XDH: variants seen among roughly 807,000 people sequenced by gnomAD.
XDH encodes xanthine dehydrogenase/oxidase.
XDH carries 138 observed loss-of-function variants against 156.1 expected under a neutral mutation model. That is an observed-to-expected ratio of 0.88 (90% CI 0.77 to 1.02). The LOEUF (loss-of-function observed/expected upper bound fraction) is 1.02, where lower values mean the gene tolerates loss of function less well. XDH is among the 50% of genes least tolerant of loss of function. The probability of loss-of-function intolerance (pLI) is 0.00; values close to 1 mark genes in which losing one functional copy is unlikely to be tolerated. For missense variants in XDH, 1,849 were observed against 1,684.9 expected, an observed-to-expected ratio of 1.10 and a Z score of -1.71; for synonymous variants, 669 against 625.7, an observed-to-expected ratio of 1.07 and a Z score of -1.03.
rs376487298 is a variant in XDH at position 31,337,509 on chromosome 2, G to A, written c.3951+132C>T. On this transcript the variant is annotated intron_variant, in intron 35 of 35. Coordinates refer to ENST00000379416, the MANE Select transcript of XDH (RefSeq NM_000379.4). ...TGCTTCATACCATGCACAATGAAGG[G>A]TGGCCATTGATGCAAGGCTGCCCGG... 309 of 1,216,088 alleles carry A rather than the reference G, an allele frequency of 2.5e-4. 1 individual carries two copies. In the African/African-American group the frequency reaches 4.0e-3, roughly 16 times the overall value. The allele number at this position is 1,216,088 out of a possible 1,614,324, so 75.3% of individuals were successfully genotyped here. A position where few individuals can be genotyped will look rare whatever the true frequency, so the allele number is the denominator to read the frequency against.
At chr2:31,407,149 G>A (rs1438184923) in intron 1 of XDH, among the ~76,000 whole-genome samples, 2 of 152,166 alleles carry the variant, frequency 1.3e-5, no homozygotes, top group Non-Finnish European at 2.9e-5. Flanking sequence ...AGGAATATTT[G>A]CCTCCCACCT....
At chr2:31,357,743 C>A (rs1439178861) in intron 24 of XDH, among the ~76,000 whole-genome samples, 2 of 151,782 alleles carry the variant, frequency 1.3e-5, no homozygotes, top group African/African-American at 2.4e-5. Context: ...ATGATAAATT[C>A]TTGAGGTGAT....
At position 31,348,982 on chromosome 2, in the gene XDH, T is replaced by C. The variant is rs751523614; in HGVS notation, c.2970-2A>G. The C allele has an allele frequency of 1.2e-6, 2 of 1,612,698 alleles. No individual in the cohort carries two copies. Among genetic ancestry groups the C allele is most frequent in the Non-Finnish European group, 1.7e-6 (2 of 1,178,820 alleles). ...CCTCTCTTTTTCCAACAATTCTCCC[T>C]AGAGAAAAAGGAATATTCTTATAGA... On this transcript the variant is annotated splice_acceptor_variant, in intron 26 of 35. Coordinates refer to ENST00000379416, the MANE Select transcript of XDH (RefSeq NM_000379.4). LOFTEE classifies it high-confidence loss of function.
rs756457847 is a variant in XDH at position 31,375,605 on chromosome 2, C to G, written c.1428-51G>C. 8 of 1,594,270 alleles carry G rather than the reference C, an allele frequency of 5.0e-6. No homozygotes were observed. The African/African-American group carries it at 1.1e-4, about 21-fold the overall frequency. ...GCGCTCCCGCCCAGCCCTCCAGACC[C>G]CTTTGTGTAGAGCTGTGTGCCCAGG... On this transcript the variant is annotated intron_variant, in intron 14 of 35. Coordinates refer to ENST00000379416, the MANE Select transcript of XDH (RefSeq NM_000379.4).
In XDH at chr2:31,383,757, T is replaced by G; in HGVS notation, c.884A>C (p.Asp295Ala). The change falls in exon 10 of 36, where the codon GAC becomes GCC. Residue 295 changes from aspartate to alanine, a missense_variant and splice_region_variant. Asp to Ala is a moderately radical substitution (Grantham distance 126). Coordinates refer to ENST00000379416, the MANE Select transcript of XDH (RefSeq NM_000379.4). ...PELNSVEHGPDGISFGAACPL... is the reference protein window; with the variant it reads ...PELNSVEHGPAGISFGAACPL... ...GCTTGGAGTGAACCTCCTCTTACCGTCGGGTCCATGTTCTACCGAATTCAG... is the reference window on the plus strand; with the variant it reads ...GCTTGGAGTGAACCTCCTCTTACCGGCGGGTCCATGTTCTACCGAATTCAG... The G allele has an allele frequency of 1.2e-6, 2 of 1,613,698 alleles. No individual in the cohort carries two copies. The highest frequency in any genetic ancestry group is 1.7e-6 in the Non-Finnish European group (2 of 1,179,904).
At chr2:31,384,720 T>C (rs1686537382) in intron 9 of XDH, among the ~76,000 whole-genome samples, 1 of 152,188 alleles carries the variant, frequency 6.6e-6, no homozygotes, top group African/African-American at 2.4e-5. Context: ...AAGGGGGCCC[T>C]AGGCTTTGTG....
intron 6 of XDH, among the ~76,000 whole-genome samples, chr2:31,389,135 G>A (rs900335155): frequency 2.6e-5 from 4 of 152,200 alleles, no homozygotes; most frequent in African/African-American, 9.7e-5. Flanking sequence ...ACTTTTATCG[G>A]GTAGTCAATT....
At position 31,350,971 on chromosome 2, in the gene XDH, T is replaced by C. The variant is rs965238293; in HGVS notation, c.2632-748A>G. 4.6e-5 allele frequency among the ~76,000 whole-genome samples: 7 copies of C among 152,296 alleles called. No individual in the cohort carries two copies. In the South Asian group the frequency reaches 1.2e-3, roughly 27 times the overall value. On this transcript the variant is annotated intron_variant, in intron 24 of 35. Transcript: ENST00000379416. ...TACTTACAATTCTCATAGCTTATCA[T>C]CTATCAGCTATTTAGATAAACTTAT...
At chr2:31,399,197 G>A (rs1686991238) in intron 4 of XDH, among the ~76,000 whole-genome samples, 1 of 152,190 alleles carries the variant, frequency 6.6e-6, no homozygotes. Flanking sequence ...GAAGCCATTA[G>A]GAAAAGAGTA....
intron 13 of XDH, among the ~76,000 whole-genome samples, chr2:31,378,114 G>A (rs1389404162): frequency 0.022 from 704 of 32,118 alleles, 45 homozygotes; most frequent in African/African-American, 0.074. Context: ...AAGAAAGGAA[G>A]GAAGGAAGGA....
Position 31,339,528 on chromosome 2 carries a change from G to A in XDH, c.3735C>T (p.Leu1245=). 6.2e-7 allele frequency: 1 copy of A among 1,614,214 alleles called. No individual in the cohort carries two copies. Among genetic ancestry groups the A allele is most frequent in the Non-Finnish European group, 8.5e-7 (1 of 1,180,048 alleles). ...TGGCCTTCTTGTTGGGGCAGTCGCG[G>A]AGCAGGGACACCCTGAACTCAATGG... is the stretch of plus-strand genomic sequence containing the variant. The part of the protein sequence containing the change: ...SIPIEFRVSL[L]RDCPNKKAIY... The change falls in exon 34 of 36, where the codon CTC becomes CTT. Residue 1245 remains leucine (L), a synonymous_variant. Coordinates refer to ENST00000379416, the MANE Select transcript of XDH (RefSeq NM_000379.4).
At chr2:31,393,035 G>C (rs1290177257) in intron 6 of XDH, among the ~76,000 whole-genome samples, 2 of 152,194 alleles carry the variant, frequency 1.3e-5, no homozygotes, top group Non-Finnish European at 2.9e-5. Flanking sequence ...TTGTAAATGT[G>C]TGTTTCATAG....
intron 29 of XDH, 123 bp from the exon 30 acceptor site, chr2:31,346,966 C>T (rs977305438): frequency 7.1e-6 from 9 of 1,267,558 alleles, no homozygotes; most frequent in Non-Finnish European, 1.0e-5. Flanking sequence ...GCCACTCAAA[C>T]AGCCTGGCCA....
At chr2:31,342,154 T>G (rs1685140476) in intron 32 of XDH, 29 bp downstream of exon 32, 1 of 1,584,386 alleles carries the variant, frequency 6.3e-7, no homozygotes, top group East Asian at 2.2e-5. Context: ...TCTTTCCCAC[T>G]AAGTACTAAA....
intron 20 of XDH, among the ~76,000 whole-genome samples, chr2:31,367,723 A>G (rs964665988): frequency 1.3e-5 from 2 of 152,108 alleles, no homozygotes; most frequent in African/African-American, 4.8e-5. Context: ...GGATCAGAAT[A>G]CTCTAGAATC....
chr2:31,367,695 A>T (rs1308825845), intron 20 of XDH, among the ~76,000 whole-genome samples: 1 of 152,176 alleles, frequency 6.6e-6, no homozygotes, highest in Non-Finnish European at 1.5e-5. Context: ...GGCTGTTATC[A>T]TCCCTAGTTG....
At chr2:31,407,212 C>T (rs1687216868) in intron 1 of XDH, among the ~76,000 whole-genome samples, 10 of 152,130 alleles carry the variant, frequency 6.6e-5, no homozygotes, top group Admixed American at 6.5e-4. Flanking sequence ...AACATGCCAC[C>T]TTTGCAGCAT....
chr2:31,351,021 T>C (rs1685464098), intron 24 of XDH, among the ~76,000 whole-genome samples: 1 of 152,230 alleles, frequency 6.6e-6, no homozygotes. Context: ...TGTGGCTACA[T>C]TGCTATGTCT....
At chr2:31,375,026 T>TC (rs1180883283) in intron 15 of XDH, among the ~76,000 whole-genome samples, 9 of 124,728 alleles carry the variant, frequency 7.2e-5, no homozygotes, top group Admixed American at 4.5e-4. Context: ...TTTCTTTCTT[T>TC]TTTTTTTTTT....
Sources: allele counts gnomAD v4.1 joint callset (sites outside exome capture counted in the v4.1 genomes callset), GRCh38; gene constraint gnomAD v4.1.1; transcripts MANE v1.5; gene names NCBI Gene and HGNC (gene_info 2026-07-23, HGNC 2026-07-21).